The following CGNL1 variants were observed in gnomAD, a reference collection of about 807,000 sequenced individuals.
CGNL1 encodes the protein cingulin-like protein 1.
In CGNL1, 132 loss-of-function variants were observed where a neutral mutation model predicts 141.2. The ratio of observed to expected loss-of-function variants is 0.93; its 90% CI spans 0.81 to 1.08. The LOEUF is 1.08. Among genes scored for constraint, CGNL1 ranks in the 50% least tolerant of loss-of-function variants. CGNL1 has a pLI of 0.00. For missense variants in CGNL1, 1,870 were observed against 1,588.6 expected (o/e 1.18, Z -3.01); for synonymous variants, 690 against 622.1 (o/e 1.11, Z -1.63).
rs2030995339 is a variant in CGNL1, at chr15:57,518,381, G to A, written c.2611-12G>A. 6.3e-7 allele frequency: 1 copy of A among 1,599,834 alleles called. No homozygotes were observed. Among genetic ancestry groups the A allele is most frequent in the African/African-American group, 1.3e-5 (1 of 74,768 alleles). On this transcript the variant is annotated splice_polypyrimidine_tract_variant and intron_variant, in intron 9 of 18. Transcript: ENST00000281282. ...ACATCTAAGTGCACACTGACCCAGT[G>A]TTTCATTGTAGGGAGAAATACGACA...
intron 9 of CGNL1, among the ~76,000 whole-genome samples, chr15:57,517,633 C>A (rs1474985875): frequency 6.6e-6 from 1 of 152,174 alleles, no homozygotes; most frequent in Non-Finnish European, 1.5e-5. Flanking sequence ...CTAGCGAGGG[C>A]CGTCCTTCTG....
chr15:57,544,661 G>A, intron 16 of CGNL1, 64 bp downstream of exon 16: 1 of 1,538,934 alleles, frequency 6.5e-7, no homozygotes, highest in South Asian at 1.2e-5. Context: ...CCATCGCAAT[G>A]TGTTGTCACA....
At chr15:57,389,353 A>G (rs1282886662) in intron 1 of CGNL1, among the ~76,000 whole-genome samples, 1 of 152,260 alleles carries the variant, frequency 6.6e-6, no homozygotes, top group East Asian at 1.9e-4. Context: ...AGTGAATAGT[A>G]CATTTGTAGA....
At chr15:57,421,242 T>C (rs1468881355) in intron 1 of CGNL1, among the ~76,000 whole-genome samples, 1 of 152,200 alleles carries the variant, frequency 6.6e-6, no homozygotes, top group African/African-American at 2.4e-5. Flanking sequence ...ACTTCTTACC[T>C]CAAGAACTGT....
chr15:57,386,370 G>A (rs1030367950), intron 1 of CGNL1, among the ~76,000 whole-genome samples: 1 of 152,170 alleles, frequency 6.6e-6, no homozygotes, highest in East Asian at 1.9e-4. Flanking sequence ...CTAGCTCTAC[G>A]TATGTGAATG....
At chr15:57,414,789 T>C (rs2062830423) in intron 1 of CGNL1, among the ~76,000 whole-genome samples, 1 of 152,194 alleles carries the variant, frequency 6.6e-6, no homozygotes, top group Admixed American at 6.5e-5. Context: ...GGCTTCAAAT[T>C]CTCCTTATTA....
chr15:57,412,405 T>TC (rs1256348796), intron 1 of CGNL1, among the ~76,000 whole-genome samples: 3 of 152,250 alleles, frequency 2.0e-5, no homozygotes, highest in Non-Finnish European at 4.4e-5. Flanking sequence ...TACTCTGCTC[T>TC]CCTCTGGCCT....
chr15:57,489,007 T>C (rs183503949), intron 8 of CGNL1, among the ~76,000 whole-genome samples: 1 of 152,314 alleles, frequency 6.6e-6, no homozygotes, highest in East Asian at 1.9e-4. Flanking sequence ...TGCTGTCTAG[T>C]CCGGAATTTT....
At chr15:57,455,150 A>G (rs746345850) in intron 7 of CGNL1, among the ~76,000 whole-genome samples, 2 of 152,216 alleles carry the variant, frequency 1.3e-5, no homozygotes, top group Non-Finnish European at 2.9e-5. Flanking sequence ...ACCACAATAT[A>G]TTTAACCATT....
At chr15:57,405,760 C>T (rs1285461564) in intron 1 of CGNL1, among the ~76,000 whole-genome samples, 34 of 137,726 alleles carry the variant, frequency 2.5e-4, no homozygotes, top group Middle Eastern at 3.7e-3. Flanking sequence ...TTTTCTTTTT[C>T]TTTCTTTCTT....
intron 1 of CGNL1, among the ~76,000 whole-genome samples, chr15:57,437,511 C>T (rs1252921626): frequency 6.7e-6 from 1 of 150,284 alleles, no homozygotes; most frequent in Admixed American, 6.7e-5. Context: ...AATTCCTTAG[C>T]TCTTAATTAT....
chr15:57,453,869 A>G, intron 7 of CGNL1, 51 bp downstream of exon 7: 2 of 1,605,430 alleles, frequency 1.2e-6, no homozygotes, highest in Non-Finnish European at 1.7e-6. Context: ...CCTGCCTGGA[A>G]AGATGGAGTG....
intron 10 of CGNL1, among the ~76,000 whole-genome samples, chr15:57,520,056 C>T (rs2031144168): frequency 6.6e-6 from 1 of 152,200 alleles, no homozygotes; most frequent in African/African-American, 2.4e-5. Context: ...TGACATGTTA[C>T]TTTTGTTGAG....
chr15:57,468,961 T>G (rs2063545921), intron 8 of CGNL1, among the ~76,000 whole-genome samples: 2 of 152,226 alleles, frequency 1.3e-5, no homozygotes, highest in Admixed American at 1.3e-4. Context: ...CCACCATGAT[T>G]GTGAGGCTTC....
In CGNL1 at chr15:57,547,541, C is replaced by T. The variant is rs750404485; in HGVS notation, c.*51C>T. On this transcript the variant is annotated 3_prime_UTR_variant, in exon 19 of 19. Transcript: ENST00000281282. Reference sequence around the variant, plus strand: ...CTGTCATTCCTGCAGGAGCTGCAGCCACCCAAAGTGGGAGGCAGGGAGGGG... The same window carrying T: ...CTGTCATTCCTGCAGGAGCTGCAGCTACCCAAAGTGGGAGGCAGGGAGGGG... 7 of 1,592,882 alleles carry T rather than the reference C, an allele frequency of 4.4e-6. No homozygotes were observed. Among genetic ancestry groups the T allele is most frequent in the Non-Finnish European group, 4.3e-6 (5 of 1,168,524 alleles).
At chr15:57,469,663 A>G (rs1283047215) in intron 8 of CGNL1, among the ~76,000 whole-genome samples, 3 of 152,082 alleles carry the variant, frequency 2.0e-5, no homozygotes, top group African/African-American at 7.2e-5. Flanking sequence ...TATATTGTCT[A>G]ACCCTTATAA....
At chr15:57,456,110 G>A (rs1277342863) in intron 7 of CGNL1, among the ~76,000 whole-genome samples, 8 of 152,066 alleles carry the variant, frequency 5.3e-5, no homozygotes, top group Admixed American at 2.6e-4. Context: ...CGGTTTCTAC[G>A]TCACTAGTAA....
At chr15:57,537,636 A>T (rs576068497) in intron 14 of CGNL1, among the ~76,000 whole-genome samples, 1 of 152,252 alleles carries the variant, frequency 6.6e-6, no homozygotes, top group South Asian at 2.1e-4. Flanking sequence ...GGGGTTCAGT[A>T]TTGTTATTGG....
intron 1 of CGNL1, among the ~76,000 whole-genome samples, chr15:57,436,808 A>G (rs1310278691): frequency 1.3e-5 from 2 of 152,186 alleles, no homozygotes; most frequent in African/African-American, 2.4e-5. Context: ...ACATACACAT[A>G]TATATTCTAC....
Sources: gnomAD v4.1 joint callset for allele counts (sites outside exome capture counted in the v4.1 genomes callset) on GRCh38, gnomAD v4.1.1 for gene constraint, MANE v1.5 for transcripts, NCBI Gene and HGNC (gene_info 2026-07-23, HGNC 2026-07-21) for gene names.